Variants in UBE2T observed in about 807,000 individuals in gnomAD.
UBE2T encodes ubiquitin-conjugating enzyme E2 T.
In UBE2T, 15 loss-of-function variants were observed where a neutral mutation model predicts 23.3. The observed-to-expected ratio is 0.64, with a 90% CI of 0.43 to 0.99. The LOEUF is 0.99. Ranked by LOEUF, UBE2T falls within the 50% of genes least tolerant of loss-of-function variation. The probability of loss-of-function intolerance (pLI) is 0.00; values close to 1 mark genes in which losing one functional copy is unlikely to be tolerated. For synonymous variants in UBE2T, 67 were observed against 78.4 expected, an observed-to-expected ratio of 0.85 and a Z score of 0.77; for missense variants, 197 against 234.9, an observed-to-expected ratio of 0.84 and a Z score of 1.05.
In UBE2T at chr1:202,335,638, A is replaced by G. The variant is rs777075005; in HGVS notation, c.109+8T>C. 5 of 1,610,884 alleles carry G rather than the reference A, an allele frequency of 3.1e-6. No individual in the cohort carries two copies. The highest frequency in any genetic ancestry group is 3.4e-6 in the Non-Finnish European group (4 of 1,177,376). ...TGACTTTCATCATATACATGATTTG[A>G]TACCTACGAGCTCGCAGGTCATCCA... On this transcript the variant is annotated splice_region_variant and intron_variant, in intron 2 of 6. Transcript: ENST00000646651. The surrounding 1 kb of genome is among the most constrained non-coding windows in gnomAD (Gnocchi z 4.0).
At chr1:202,339,686 A>T (rs896662974) in intron 1 of UBE2T, among the ~76,000 whole-genome samples, 21 of 152,114 alleles carry the variant, frequency 1.4e-4, no homozygotes, top group African/African-American at 4.8e-4. Context: ...AATACAGTGT[A>T]ACAACAATTT....
intron 1 of UBE2T, among the ~76,000 whole-genome samples, chr1:202,338,706 A>T (rs1465358709): frequency 2.6e-5 from 4 of 152,048 alleles, no homozygotes; most frequent in Non-Finnish European, 5.9e-5. Flanking sequence ...TACAATGTTA[A>T]ATGAAAAAGC....
At position 202,335,508 on chromosome 1, in the gene UBE2T, C is replaced by G. The variant is rs1281094010; in HGVS notation, c.109+138G>C. On this transcript the variant is annotated intron_variant, in intron 2 of 6. Transcript: ENST00000646651. This position sits in a 1 kb window ranked among gnomAD's most constrained non-coding sequence, Gnocchi z 4.0. ...CAAGCAAACCTTTTATAAATGTAAACAAATTTGGGTAGAAAGATGGTAGGG... is the reference window on the plus strand; with the variant it reads ...CAAGCAAACCTTTTATAAATGTAAAGAAATTTGGGTAGAAAGATGGTAGGG... The G allele has an allele frequency of 7.7e-6, 6 of 777,582 alleles. No individual in the cohort carries two copies. The Admixed American group carries it at 1.4e-4, about 18-fold the overall frequency. 48.2% of individuals were successfully genotyped at this position (777,582 alleles called of 1,614,324 possible). A position where few individuals can be genotyped will look rare whatever the true frequency, so the allele number is the denominator to read the frequency against.
At chr1:202,337,856 T>C (rs904893676) in intron 1 of UBE2T, among the ~76,000 whole-genome samples, 1 of 152,220 alleles carries the variant, frequency 6.6e-6, no homozygotes, top group Non-Finnish European at 1.5e-5. Context: ...ACTTGATTAT[T>C]CTTGACTCTT....
chr1:202,333,039 T>G lies in UBE2T; in HGVS notation c.439A>C (p.Thr147Pro). ...TGTTTCTGTCTTGCATGCTTCTCTG[T>G]CCACTGTCTGGCATTCTTGAGGAAG... ...PAFLKNARQW[T>P]EKHARQKQKA... is the part of the protein sequence containing the mutation. Residue 147 changes from threonine to proline, a missense_variant, in exon 6 of 7, where the codon ACA becomes CCA. Thr to Pro is a conservative substitution (Grantham distance 38). Coordinates refer to ENST00000646651, the MANE Select transcript of UBE2T (RefSeq NM_014176.4). 6.2e-7 allele frequency: 1 copy of G among 1,613,256 alleles called. No individual in the cohort carries two copies. The highest frequency in any genetic ancestry group is 8.5e-7 in the Non-Finnish European group (1 of 1,179,664).
chr1:202,332,304 C>A (rs1654768786), intron 6 of UBE2T, among the ~76,000 whole-genome samples: 1 of 152,024 alleles, frequency 6.6e-6, no homozygotes, highest in Non-Finnish European at 1.5e-5. Flanking sequence ...ATGAATGGTC[C>A]CCTAAGAAAA....
chr1:202,341,604 A>AAAAAAAAC (rs1263730403), intron 1 of UBE2T, among the ~76,000 whole-genome samples: 1 of 150,300 alleles, frequency 6.7e-6, no homozygotes, highest in Non-Finnish European at 1.5e-5. Context: ...AAAAAAAAAA[A>AAAAAAAAC]AAGAACAGCC....
At chr1:202,339,599 CAAAAAAA>C (rs56088102) in intron 1 of UBE2T, among the ~76,000 whole-genome samples, 32 of 79,056 alleles carry the variant, frequency 4.0e-4, no homozygotes, top group African/African-American at 1.5e-3. Flanking sequence ...GACTCTGTCT[CAAAAAAA>C]AAAAAAAAAA....
rs1388546341 is a variant in UBE2T, at chr1:202,333,282, C to G, written c.339G>C (p.Leu113=). 3 of 1,614,046 alleles carry G rather than the reference C, an allele frequency of 1.9e-6. No individual in the cohort carries two copies. The African/African-American group carries it at 4.0e-5, about 22-fold the overall frequency. ...CATCAGGGTTGGGTTCTGACATGAG[C>G]AGCTGAATAGAGGTCAACACAGTTG... ...NIATVLTSIQ[L]LMSEPNPDDP... The change falls in exon 5 of 7, where the codon CTG becomes CTC. Residue 113 remains leucine (L), a synonymous_variant. Transcript: ENST00000646651.
At chr1:202,341,771 T>C (rs1204506034) in intron 1 of UBE2T, 124 bp downstream of exon 1, 3 of 152,044 alleles carry the variant, frequency 2.0e-5, no homozygotes, top group Non-Finnish European at 2.9e-5. Flanking sequence ...TCTAAGGCTC[T>C]CCTTTCAGAG....
At chr1:202,333,780 A>G (rs1037421069) in intron 3 of UBE2T, among the ~76,000 whole-genome samples, 30 of 152,314 alleles carry the variant, frequency 2.0e-4, no homozygotes, top group African/African-American at 7.0e-4. Context: ...ACCTGGATTC[A>G]AGCCACTTTA....
In UBE2T at chr1:202,335,650, T is replaced by A; in HGVS notation, c.105A>T (p.Arg35=). ...TATACATGATTTGATACCTACGAGCTCGCAGGTCATCCATTTGGTCTTTAT... is the reference window on the plus strand; with the variant it reads ...TATACATGATTTGATACCTACGAGCACGCAGGTCATCCATTTGGTCTTTAT... ...WQDKDQMDDL[R]AQILGGANTP... The change falls in exon 2 of 7, where the codon CGA becomes CGT. Residue 35 remains arginine, a synonymous_variant. Transcript: ENST00000646651. This position sits in a 1 kb window ranked among gnomAD's most constrained non-coding sequence, Gnocchi z 4.0. 1 of 1,613,934 alleles carries A rather than the reference T, an allele frequency of 6.2e-7. No homozygotes were observed. Among genetic ancestry groups the A allele is most frequent in the South Asian group, 1.1e-5 (1 of 91,066 alleles).
chr1:202,332,448 A>T (rs974579671), intron 6 of UBE2T, among the ~76,000 whole-genome samples: 2 of 152,202 alleles, frequency 1.3e-5, no homozygotes, highest in African/African-American at 4.8e-5. Context: ...AATTAACCAG[A>T]TGCTGCCTGC....
intron 1 of UBE2T, among the ~76,000 whole-genome samples, chr1:202,340,586 A>G (rs1654980451): frequency 6.6e-6 from 1 of 152,148 alleles, no homozygotes; most frequent in East Asian, 1.9e-4. Flanking sequence ...TATAAAGTAT[A>G]TGGGAGGACA....
intron 1 of UBE2T, among the ~76,000 whole-genome samples, chr1:202,341,679 G>C (rs893833229): frequency 6.6e-6 from 1 of 150,844 alleles, no homozygotes; most frequent in Non-Finnish European, 1.5e-5. Flanking sequence ...TCTCCCTGCT[G>C]TGGCAGGAGG....
At chr1:202,334,083 CA>C (rs1427636424) in intron 3 of UBE2T, among the ~76,000 whole-genome samples, 1 of 152,112 alleles carries the variant, frequency 6.6e-6, no homozygotes. Flanking sequence ...GCTGTTCTCC[CA>C]AGACTTTAAC....
chr1:202,333,183 T>C (rs1654804625), intron 5 of UBE2T, 54 bp downstream of exon 5: 22 of 1,608,438 alleles, frequency 1.4e-5, no homozygotes, highest in Non-Finnish European at 1.9e-5. Flanking sequence ...CAGGGAGAGT[T>C]AGCGGTATAG....
In UBE2T at chr1:202,338,066, C is replaced by CT. The variant is rs201199030; in HGVS notation, c.-64-2249dup. Among the ~76,000 whole-genome samples, 604 of 151,774 alleles carry CT rather than the reference C, an allele frequency of 4.0e-3. 2 individuals carry two copies. Among genetic ancestry groups the CT allele is most frequent in the African/African-American group, 0.014 (568 of 41,406 alleles). On this transcript the variant is annotated intron_variant, in intron 1 of 6. Coordinates refer to ENST00000646651, the MANE Select transcript of UBE2T (RefSeq NM_014176.4). ...AGATCCATGAACACGCTGTTTCAGT[C>CT]TTTTTTTTGATGCTTTCCAAAGGTT... is the stretch of plus-strand genomic sequence containing the variant.
intron 6 of UBE2T, among the ~76,000 whole-genome samples, chr1:202,332,460 G>A (rs1002592028): frequency 3.9e-5 from 6 of 152,182 alleles, no homozygotes; most frequent in Non-Finnish European, 8.8e-5. Context: ...GCTGCCTGCC[G>A]TCTAGTGTTG....
Sources: gnomAD v4.1 joint callset for allele counts (sites outside exome capture counted in the v4.1 genomes callset) on GRCh38, gnomAD v4.1.1 for gene constraint, Gnocchi (gnomAD v3.1) non-coding constraint, MANE v1.5 for transcripts, NCBI Gene and HGNC (gene_info 2026-07-23, HGNC 2026-07-21) for gene names.